The following NXPE2 variants were observed in gnomAD, a reference collection of about 807,000 sequenced individuals.
The protein encoded by NXPE2 is neurexophilin and PC-esterase domain family member 2.
NXPE2 carries 34 observed loss-of-function variants against 34.4 expected under a neutral mutation model. That is an observed-to-expected ratio of 0.99 (90% CI 0.75 to 1.31). The LOEUF is 1.31. Among genes scored for constraint, NXPE2 ranks in the 40% most tolerant of loss-of-function variants. The pLI is 0.00. For synonymous variants in NXPE2, 235 were observed against 231.3 expected (o/e 1.02, Z -0.15); for missense variants, 649 against 672.5 (o/e 0.97, Z 0.39).
At chr11:114,721,424 T>C in the NXPE2 span, among the ~76,000 whole-genome samples, 1 of 152,124 alleles carries the variant, frequency 6.6e-6, no homozygotes, top group Non-Finnish European at 1.5e-5. Flanking sequence ...TGTAACTATA[T>C]GGATACAACC....
the NXPE2 span, among the ~76,000 whole-genome samples, chr11:114,613,819 A>T: frequency 2.0e-5 from 3 of 149,634 alleles, no homozygotes; most frequent in Admixed American, 6.7e-5. Context: ...TTGCCTCATA[A>T]GTAACCACTG....
the NXPE2 span, among the ~76,000 whole-genome samples, chr11:114,661,766 C>T: frequency 2.0e-5 from 3 of 152,112 alleles, no homozygotes; most frequent in Non-Finnish European, 4.4e-5. Flanking sequence ...TAGTTCAATT[C>T]AAAACTTGCT....
chr11:114,675,135 T>C (rs1362093580), upstream of NXPE2, among the ~76,000 whole-genome samples: 6 of 151,644 alleles, frequency 4.0e-5, no homozygotes, highest in African/African-American at 1.2e-4. Flanking sequence ...AAATTGAGTA[T>C]AGAAGGATTA....
chr11:114,717,182 A>G, the NXPE2 span, among the ~76,000 whole-genome samples: 2 of 152,152 alleles, frequency 1.3e-5, no homozygotes, highest in Non-Finnish European at 2.9e-5. Flanking sequence ...TGGCTCCACC[A>G]TGAAGACCAG....
At chr11:114,528,276 T>C in the NXPE2 span, among the ~76,000 whole-genome samples, 1 of 152,162 alleles carries the variant, frequency 6.6e-6, no homozygotes. Flanking sequence ...GTCATGCAAG[T>C]CTCAGTTTTA....
At chr11:114,662,888 C>T in the NXPE2 span, among the ~76,000 whole-genome samples, 23,879 of 152,110 alleles carry the variant, frequency 0.16, 2,167 homozygotes, top group South Asian at 0.2. Context: ...CTTGAATAAC[C>T]GGCAGCAATA....
the NXPE2 span, among the ~76,000 whole-genome samples, chr11:114,812,377 C>G: frequency 0.96 from 146,626 of 152,298 alleles, 70,840 homozygotes; most frequent in Middle Eastern, 1. Context: ...TTTAAAATAA[C>G]AACTTTCTAA....
the NXPE2 span, among the ~76,000 whole-genome samples, chr11:114,779,498 G>T: frequency 6.6e-6 from 1 of 152,156 alleles, no homozygotes; most frequent in Non-Finnish European, 1.5e-5. Context: ...GATCGGAAGA[G>T]CCGCAGCATC....
At chr11:114,799,602 G>A in the NXPE2 span, among the ~76,000 whole-genome samples, 1 of 152,192 alleles carries the variant, frequency 6.6e-6, no homozygotes, top group Non-Finnish European at 1.5e-5. Context: ...GGGTGGGAAG[G>A]AGACTTGCCG....
the NXPE2 span, chr11:114,527,740 T>C: frequency 1.4e-6 from 1 of 695,518 alleles, no homozygotes; most frequent in Non-Finnish European, 2.4e-6. Flanking sequence ...ATCATAGACA[T>C]CTGCTAGGAA....
At chr11:114,812,487 A>G in the NXPE2 span, among the ~76,000 whole-genome samples, 20 of 152,346 alleles carry the variant, frequency 1.3e-4, no homozygotes, top group African/African-American at 4.8e-4. Flanking sequence ...GGAAGTTCTA[A>G]GAGGAGAAAT....
chr11:114,766,289 C>T, the NXPE2 span, among the ~76,000 whole-genome samples: 1 of 152,134 alleles, frequency 6.6e-6, no homozygotes, highest in East Asian at 1.9e-4. Context: ...TGCCCTTCCA[C>T]CTGCTATAAA....
At chr11:114,530,572 G>A in the NXPE2 span, 1 of 1,613,962 alleles carries the variant, frequency 6.2e-7, no homozygotes, top group Non-Finnish European at 8.5e-7. Flanking sequence ...GTCAGTGCTG[G>A]GGAGGACATC....
chr11:114,612,201 G>A, the NXPE2 span, among the ~76,000 whole-genome samples: 14 of 151,676 alleles, frequency 9.2e-5, no homozygotes, highest in South Asian at 2.1e-4. Context: ...ACTGTTACAC[G>A]GTGGAGAATA....
chr11:114,625,667 A>C, the NXPE2 span, among the ~76,000 whole-genome samples: 2 of 152,020 alleles, frequency 1.3e-5, no homozygotes, highest in African/African-American at 4.8e-5. Context: ...CCTCTCAGGG[A>C]GGAGCCAAGA....
At chr11:114,735,165 G>A in the NXPE2 span, among the ~76,000 whole-genome samples, 1 of 152,104 alleles carries the variant, frequency 6.6e-6, no homozygotes, top group Non-Finnish European at 1.5e-5. Flanking sequence ...TGTGGTGTTT[G>A]CAATTTTTCT....
the NXPE2 span, among the ~76,000 whole-genome samples, chr11:114,481,973 A>G: frequency 2.6e-5 from 4 of 152,198 alleles, no homozygotes; most frequent in Non-Finnish European, 2.9e-5. Context: ...TTGAAGGAAC[A>G]TAGCACAGGT....
At chr11:114,506,944 A>T in the NXPE2 span, among the ~76,000 whole-genome samples, 2 of 152,284 alleles carry the variant, frequency 1.3e-5, no homozygotes, top group East Asian at 3.9e-4. Flanking sequence ...CAAATCCAGG[A>T]GCTGGTTTTT....
chr11:114,732,845 A>T, the NXPE2 span, among the ~76,000 whole-genome samples: 4 of 152,058 alleles, frequency 2.6e-5, no homozygotes, highest in Non-Finnish European at 5.9e-5. Context: ...TAATTTAGTG[A>T]TTCAAATTGA....
Sources: gnomAD v4.1 joint callset for allele counts (sites outside exome capture counted in the v4.1 genomes callset) on GRCh38, gnomAD v4.1.1 for gene constraint, MANE v1.5 for transcripts, NCBI Gene and HGNC (gene_info 2026-07-23, HGNC 2026-07-21) for gene names.